MGAT4C: variants seen among roughly 807,000 people sequenced by gnomAD.
MGAT4C encodes the protein MGAT4 family member C.
In MGAT4C, 19 loss-of-function variants were observed where a neutral mutation model predicts 40.1. The ratio of observed to expected loss-of-function variants is 0.47; its 90% confidence interval spans 0.33 to 0.70. MGAT4C has a LOEUF of 0.70. MGAT4C is among the 30% of genes least tolerant of loss of function. The pLI is 0.02. For synonymous variants in MGAT4C, 181 were observed against 187.1 expected (o/e 0.97, Z 0.27); for missense variants, 491 against 563.2 (o/e 0.87, Z 1.30).
chr12:86,807,584 G>A (rs1952383135), intron 1 of MGAT4C, among the ~76,000 whole-genome samples: 1 of 152,018 alleles, frequency 6.6e-6, no homozygotes, highest in African/African-American at 2.4e-5. Context: ...TGCAATGAAA[G>A]TAAGTGTGCA....
chr12:86,216,681 G>T (rs887517552), intron 1 of MGAT4C, among the ~76,000 whole-genome samples: 4 of 152,112 alleles, frequency 2.6e-5, no homozygotes, highest in South Asian at 4.1e-4. Flanking sequence ...TTCAAAATAA[G>T]TGCTTATATA....
At chr12:86,332,570 ATAT>A (rs1476177205) in intron 4 of MGAT4C, among the ~76,000 whole-genome samples, 1 of 152,146 alleles carries the variant, frequency 6.6e-6, no homozygotes, top group Non-Finnish European at 1.5e-5. Context: ...CTTTCAAAAT[ATAT>A]GAAGTAATCA....
At chr12:86,046,526 T>A (rs567021292) in intron 2 of MGAT4C, among the ~76,000 whole-genome samples, 67 of 152,216 alleles carry the variant, frequency 4.4e-4, no homozygotes, top group African/African-American at 1.5e-3. Flanking sequence ...AACACATTAG[T>A]AAGCTGTGTA....
chr12:86,637,540 C>G (rs1007554832), intron 2 of MGAT4C, among the ~76,000 whole-genome samples: 1 of 151,846 alleles, frequency 6.6e-6, no homozygotes, highest in South Asian at 2.1e-4. Flanking sequence ...CTGTCCTTAA[C>G]TTTATTTCTG....
intron 1 of MGAT4C, among the ~76,000 whole-genome samples, chr12:86,763,093 T>A (rs568732058): frequency 2.5e-4 from 38 of 152,284 alleles, no homozygotes; most frequent in African/African-American, 8.2e-4. Context: ...AGAAAGAACA[T>A]AATGAAGTAC....
intron 2 of MGAT4C, among the ~76,000 whole-genome samples, chr12:86,600,613 T>C (rs1196147991): frequency 6.6e-6 from 1 of 152,142 alleles, no homozygotes; most frequent in Non-Finnish European, 1.5e-5. Flanking sequence ...TAAAGAAGCA[T>C]TTTCATCATA....
At chr12:86,088,549 G>C (rs146834878) in intron 1 of MGAT4C, among the ~76,000 whole-genome samples, 1 of 151,746 alleles carries the variant, frequency 6.6e-6, no homozygotes, top group Non-Finnish European at 1.5e-5. Context: ...AAGAAACTCC[G>C]TTAAAAAGTG....
chr12:86,568,602 C>T (rs1005164279), intron 2 of MGAT4C, among the ~76,000 whole-genome samples: 3 of 150,166 alleles, frequency 2.0e-5, no homozygotes, highest in African/African-American at 7.3e-5. Flanking sequence ...AACCCTAATA[C>T]AGACTCTAAA....
intron 3 of MGAT4C, among the ~76,000 whole-genome samples, chr12:86,378,715 T>A (rs932112887): frequency 6.6e-6 from 1 of 152,168 alleles, no homozygotes; most frequent in African/African-American, 2.4e-5. Flanking sequence ...ATGTGAAGTA[T>A]AAGATTAGCA....
intron 3 of MGAT4C, among the ~76,000 whole-genome samples, chr12:86,417,138 C>T (rs548231535): frequency 2.0e-5 from 3 of 151,868 alleles, no homozygotes; most frequent in Non-Finnish European, 2.9e-5. Context: ...TGTTAGAATG[C>T]AGAGACAACT....
intron 2 of MGAT4C, among the ~76,000 whole-genome samples, chr12:86,550,277 C>T (rs1959285562): frequency 6.6e-6 from 1 of 152,174 alleles, no homozygotes; most frequent in Admixed American, 6.5e-5. Context: ...TTCTTTACAG[C>T]AGTGTGAGAA....
chr12:86,464,329 G>T (rs1957646093), intron 2 of MGAT4C, among the ~76,000 whole-genome samples: 1 of 152,078 alleles, frequency 6.6e-6, no homozygotes, highest in Non-Finnish European at 1.5e-5. Context: ...GAATCATTTT[G>T]CAGTATTTAA....
intron 2 of MGAT4C, among the ~76,000 whole-genome samples, chr12:86,466,961 C>T (rs1348972978): frequency 6.6e-6 from 1 of 152,018 alleles, no homozygotes; most frequent in Admixed American, 6.6e-5. Flanking sequence ...TGTGAATCTG[C>T]TACATAAAAT....
chr12:86,770,181 A>G (rs1444616612), intron 1 of MGAT4C, among the ~76,000 whole-genome samples: 2 of 152,070 alleles, frequency 1.3e-5, no homozygotes, highest in African/African-American at 4.8e-5. Flanking sequence ...TCTATGAACA[A>G]TTAGGTGGAA....
intron 2 of MGAT4C, among the ~76,000 whole-genome samples, chr12:86,477,393 A>G (rs1167113491): frequency 1.3e-5 from 2 of 152,064 alleles, no homozygotes; most frequent in Admixed American, 1.3e-4. Context: ...GGACCATAGT[A>G]GAAACTGGGG....
intron 2 of MGAT4C, among the ~76,000 whole-genome samples, chr12:86,505,345 A>G (rs1251871489): frequency 6.6e-6 from 1 of 152,194 alleles, no homozygotes. Context: ...ATGATGAATA[A>G]GGCTCCAGCA....
intron 2 of MGAT4C, among the ~76,000 whole-genome samples, chr12:86,531,971 T>A (rs1958993749): frequency 6.6e-6 from 1 of 152,018 alleles, no homozygotes; most frequent in South Asian, 2.1e-4. Flanking sequence ...TATGGAATCA[T>A]CTAATTGGTA....
At chr12:86,043,596 C>G (rs1892086050) in intron 2 of MGAT4C, among the ~76,000 whole-genome samples, 1 of 152,180 alleles carries the variant, frequency 6.6e-6, no homozygotes, top group African/African-American at 2.4e-5. Context: ...TGTCCACTGA[C>G]TCAAATATTA....
intron 4 of MGAT4C, among the ~76,000 whole-genome samples, chr12:86,305,831 TG>T (rs1320620988): frequency 3.3e-5 from 5 of 150,688 alleles, no homozygotes; most frequent in Non-Finnish European, 5.9e-5. Flanking sequence ...TTATTGTTGT[TG>T]TTTTTTAATA....
Sources: allele counts gnomAD v4.1 joint callset (sites outside exome capture counted in the v4.1 genomes callset), GRCh38; gene constraint gnomAD v4.1.1; transcripts MANE v1.5; gene names NCBI Gene and HGNC (gene_info 2026-07-23, HGNC 2026-07-21).